The following LHFPL3 variants were observed in gnomAD, a reference collection of about 807,000 sequenced individuals.
LHFPL3 encodes LHFPL tetraspan subfamily member 3 protein.
Under a neutral mutation model 19.3 loss-of-function variants are expected in LHFPL3, and 5 were observed. That is an observed-to-expected ratio of 0.26 (90% CI 0.14 to 0.54). The LOEUF (loss-of-function observed/expected upper bound fraction) is 0.54. Among genes scored for constraint, LHFPL3 ranks in the 20% least tolerant of loss-of-function variants. LHFPL3 has a pLI of 0.94. For synonymous variants in LHFPL3, 133 were observed against 126.2 expected, an observed-to-expected ratio of 1.05 and a Z score of -0.36; for missense variants, 249 against 307.4, an observed-to-expected ratio of 0.81 and a Z score of 1.42.
chr7:104,615,607 G>A (rs1791317091), intron 1 of LHFPL3, among the ~76,000 whole-genome samples: 1 of 152,066 alleles, frequency 6.6e-6, no homozygotes, highest in East Asian at 1.9e-4. Flanking sequence ...ATATGCCATG[G>A]TGGTTTGCTG....
intron 2 of LHFPL3, among the ~76,000 whole-genome samples, chr7:104,848,233 T>C (rs1183576692): frequency 6.6e-6 from 1 of 152,152 alleles, no homozygotes; most frequent in Admixed American, 6.5e-5. Flanking sequence ...GATTGAAAGA[T>C]GACAATCCAC....
intron 1 of LHFPL3, among the ~76,000 whole-genome samples, chr7:104,414,469 A>C (rs1417079946): frequency 6.6e-6 from 1 of 152,208 alleles, no homozygotes; most frequent in Non-Finnish European, 1.5e-5. Flanking sequence ...TTGCGCCCAG[A>C]TCTGAGGATG....
rs58242219 is a variant in LHFPL3 at position 104,442,058 on chromosome 7, CT to C, written c.445+112844del. On this transcript the variant is annotated intron_variant, in intron 1 of 2. Transcript: ENST00000424859. ...TCTCTACATCCTCACCAACACTTATCTTTTTTTTTTCTTTTTTTTCAGAATA... is the reference window on the plus strand; with the variant it reads ...TCTCTACATCCTCACCAACACTTATCTTTTTTTTTCTTTTTTTTCAGAATA... Among the ~76,000 whole-genome samples the C allele has an allele frequency of 0.013, 1,908 of 148,284 alleles. 65 individuals carry two copies. The East Asian group carries it at 0.13, about 10-fold the overall frequency.
In LHFPL3 at chr7:104,482,367, T is replaced by C. The variant is rs1013892452; in HGVS notation, c.445+153143T>C. On this transcript the variant is annotated intron_variant, in intron 1 of 2. Transcript: ENST00000424859. The stretch of plus-strand genomic sequence containing the variant: ...ACATCCTGGTAGTCTAGAAGCCCTC[T>C]TGTGGGGTCAGACTTTTCCTTATTA... Among the ~76,000 whole-genome samples the C allele has an allele frequency of 2.0e-5, 3 of 152,320 alleles. No homozygotes were observed. The East Asian group carries it at 5.8e-4, about 29-fold the overall frequency.
chr7:104,481,442 T>G (rs1450086323), intron 1 of LHFPL3, among the ~76,000 whole-genome samples: 1 of 152,122 alleles, frequency 6.6e-6, no homozygotes, highest in Non-Finnish European at 1.5e-5. Flanking sequence ...TCTCTCACTT[T>G]CCCTCACCCT....
chr7:104,775,270 C>G (rs1794620226), intron 2 of LHFPL3, among the ~76,000 whole-genome samples: 1 of 152,122 alleles, frequency 6.6e-6, no homozygotes. Flanking sequence ...GTGGCAGGCG[C>G]CTGTAATTCC....
chr7:104,472,766 T>C (rs931349513), intron 1 of LHFPL3, among the ~76,000 whole-genome samples: 1 of 152,216 alleles, frequency 6.6e-6, no homozygotes, highest in African/African-American at 2.4e-5. Context: ...TCTGCACATT[T>C]GGCATATCCT....
chr7:104,755,744 G>A (rs1450091041), intron 2 of LHFPL3, among the ~76,000 whole-genome samples: 1 of 152,210 alleles, frequency 6.6e-6, no homozygotes, highest in Non-Finnish European at 1.5e-5. Context: ...TGCCCAGGCT[G>A]GAGTGCAATG....
intron 1 of LHFPL3, among the ~76,000 whole-genome samples, chr7:104,564,347 C>T (rs1790078252): frequency 6.6e-6 from 1 of 152,144 alleles, no homozygotes; most frequent in African/African-American, 2.4e-5. Flanking sequence ...AAATCCTTCC[C>T]TGAATTATAA....
chr7:104,611,992 A>G (rs1454545545), intron 1 of LHFPL3, among the ~76,000 whole-genome samples: 4 of 152,194 alleles, frequency 2.6e-5, no homozygotes, highest in Non-Finnish European at 5.9e-5. Flanking sequence ...AGTGCTCAAA[A>G]ACGTCTTTTT....
chr7:104,615,354 A>G (rs1314162699), intron 1 of LHFPL3, among the ~76,000 whole-genome samples: 2 of 152,228 alleles, frequency 1.3e-5, no homozygotes, highest in Non-Finnish European at 2.9e-5. Context: ...CAATCGCTCC[A>G]TTGATCATTC....
intron 2 of LHFPL3, among the ~76,000 whole-genome samples, chr7:104,856,793 G>A (rs771095861): frequency 3.3e-5 from 5 of 152,114 alleles, no homozygotes; most frequent in Non-Finnish European, 7.4e-5. Flanking sequence ...ATTGTGACCT[G>A]GGTACTGTGT....
intron 1 of LHFPL3, among the ~76,000 whole-genome samples, chr7:104,534,917 T>C (rs749919845): frequency 6.6e-6 from 1 of 152,214 alleles, no homozygotes; most frequent in Non-Finnish European, 1.5e-5. Context: ...CTGTTGAAGA[T>C]AGCAATTCTG....
At chr7:104,837,454 C>G (rs140942327) in intron 2 of LHFPL3, among the ~76,000 whole-genome samples, 1 of 152,080 alleles carries the variant, frequency 6.6e-6, no homozygotes, top group Non-Finnish European at 1.5e-5. Flanking sequence ...GCTATAGTCA[C>G]GAAATTGTAC....
intron 2 of LHFPL3, among the ~76,000 whole-genome samples, chr7:104,872,045 C>CT (rs1562821305): frequency 6.6e-6 from 1 of 151,470 alleles, no homozygotes; most frequent in Non-Finnish European, 1.5e-5. Context: ...TTGTTAAAAA[C>CT]TAAGACACAC....
At chr7:104,554,738 A>G (rs1391124357) in intron 1 of LHFPL3, among the ~76,000 whole-genome samples, 3 of 152,166 alleles carry the variant, frequency 2.0e-5, no homozygotes, top group Non-Finnish European at 1.5e-5. Flanking sequence ...GGCTTATGCA[A>G]TTATGAAGGC....
intron 1 of LHFPL3, among the ~76,000 whole-genome samples, chr7:104,529,823 G>T (rs1375809655): frequency 6.6e-6 from 1 of 152,134 alleles, no homozygotes; most frequent in Non-Finnish European, 1.5e-5. Context: ...GGAGGCACTG[G>T]GTGGAAGTCC....
At chr7:104,406,072 CA>C (rs1791407744) in intron 1 of LHFPL3, among the ~76,000 whole-genome samples, 3 of 152,206 alleles carry the variant, frequency 2.0e-5, no homozygotes, top group Non-Finnish European at 2.9e-5. Context: ...GACAAGGCTT[CA>C]TAACTTTTCA....
chr7:104,862,126 TA>T (rs374706473), intron 2 of LHFPL3, among the ~76,000 whole-genome samples: 8 of 151,132 alleles, frequency 5.3e-5, no homozygotes, highest in East Asian at 3.9e-4. Context: ...ACATGGAGAT[TA>T]AAAAAAAATA....
Sources: allele counts gnomAD v4.1 joint callset (sites outside exome capture counted in the v4.1 genomes callset), GRCh38; gene constraint gnomAD v4.1.1; transcripts MANE v1.5; gene names NCBI Gene and HGNC (gene_info 2026-07-23, HGNC 2026-07-21).